The following IQCM variants were observed in gnomAD, a reference collection of about 807,000 sequenced individuals.
The protein encoded by IQCM is IQ motif containing M.
IQCM carries 45 observed loss-of-function variants against 57.6 expected under a neutral mutation model. That is an observed-to-expected ratio of 0.78 (90% confidence interval 0.62 to 1.00). IQCM has a LOEUF of 1.00. Ranked by LOEUF, IQCM falls within the 50% of genes least tolerant of loss-of-function variation. The pLI, the probability that IQCM is intolerant of heterozygous loss-of-function variation, is 0.00. For missense variants in IQCM, 468 were observed against 511.6 expected (o/e 0.91, Z 0.82); for synonymous variants, 148 against 158.9 (o/e 0.93, Z 0.51).
chr4:149,395,706 A>G (rs75937182), intron 13 of IQCM, among the ~76,000 whole-genome samples: 6,883 of 152,110 alleles, frequency 0.045, 237 homozygotes, highest in Non-Finnish European at 0.066. Context: ...CATTTCTATC[A>G]GGAGACAGGA....
intron 6 of IQCM, 126 bp downstream of exon 6, chr4:149,686,252 C>CA: frequency 2.4e-6 from 1 of 418,724 alleles, no homozygotes; most frequent in Non-Finnish European, 4.0e-6. Context: ...TCAAGCGGAA[C>CA]AATAAATTAG....
intron 2 of IQCM, among the ~76,000 whole-genome samples, chr4:149,814,653 C>T (rs969748848): frequency 1.3e-5 from 2 of 151,886 alleles, no homozygotes; most frequent in Non-Finnish European, 2.9e-5. Context: ...CACTATTCAC[C>T]TCTGTTCCAT....
At chr4:149,481,696 G>GTTTT (rs1197852884) in intron 12 of IQCM, among the ~76,000 whole-genome samples, 32 of 33,612 alleles carry the variant, frequency 9.5e-4, no homozygotes, top group Middle Eastern at 0.028. Context: ...GATTCTTCCA[G>GTTTT]TTTTGTTTTT....
intron 12 of IQCM, among the ~76,000 whole-genome samples, chr4:149,445,091 G>A (rs1192595423): frequency 6.6e-6 from 1 of 151,854 alleles, no homozygotes; most frequent in Admixed American, 6.6e-5. Flanking sequence ...CCTGAAGCAT[G>A]ATCAAGAGAC....
At chr4:149,809,039 C>T (rs557031648) in intron 2 of IQCM, among the ~76,000 whole-genome samples, 41 of 152,224 alleles carry the variant, frequency 2.7e-4, no homozygotes, top group African/African-American at 9.9e-4. Context: ...TTGTCCTGAA[C>T]TTACCAGGCA....
intron 13 of IQCM, among the ~76,000 whole-genome samples, chr4:149,396,745 A>G (rs919673284): frequency 1.3e-5 from 2 of 151,966 alleles, no homozygotes; most frequent in African/African-American, 4.8e-5. Context: ...TGGAACTACC[A>G]TTCCACTCTT....
At chr4:149,571,643 C>T (rs1314314941) in intron 9 of IQCM, among the ~76,000 whole-genome samples, 1 of 152,024 alleles carries the variant, frequency 6.6e-6, no homozygotes, top group Non-Finnish European at 1.5e-5. Flanking sequence ...AAAATGTTTA[C>T]ACCATAAAAA....
chr4:149,427,405 C>T (rs1169698624), intron 13 of IQCM, among the ~76,000 whole-genome samples: 1 of 151,906 alleles, frequency 6.6e-6, no homozygotes, highest in Non-Finnish European at 1.5e-5. Context: ...CTCACATTTT[C>T]TTTATCTAAT....
At chr4:149,416,771 T>G (rs943804261) in intron 13 of IQCM, among the ~76,000 whole-genome samples, 1 of 152,164 alleles carries the variant, frequency 6.6e-6, no homozygotes, top group Non-Finnish European at 1.5e-5. Flanking sequence ...TCTGCCTTTG[T>G]GTGGAATACA....
rs532155748 is a variant in IQCM, at chr4:149,724,744, C to T, written c.385+8500G>A. ...TCAAATTTAAATAACTCAAAATAGACGTAAATATTTTTAATTCCTGAGAGA... is the reference window on the plus strand; with the variant it reads ...TCAAATTTAAATAACTCAAAATAGATGTAAATATTTTTAATTCCTGAGAGA... On this transcript the variant is annotated intron_variant, in intron 5 of 13. Transcript: ENST00000636793. Among the ~76,000 whole-genome samples, 86 of 151,882 alleles carry T rather than the reference C, an allele frequency of 5.7e-4. 1 individual carries two copies. The South Asian group carries it at 0.014, about 25-fold the overall frequency.
At chr4:149,796,305 TCA>T (rs1461447308) in intron 2 of IQCM, among the ~76,000 whole-genome samples, 2 of 152,128 alleles carry the variant, frequency 1.3e-5, no homozygotes, top group African/African-American at 2.4e-5. Flanking sequence ...GTGGTAGTGG[TCA>T]CAGAGTGAGG....
intron 11 of IQCM, among the ~76,000 whole-genome samples, chr4:149,549,270 C>T (rs529512824): frequency 6.6e-6 from 1 of 152,082 alleles, no homozygotes; most frequent in Admixed American, 6.5e-5. Flanking sequence ...AATCCCAGCA[C>T]TTTGGGAGGC....
At chr4:149,479,557 A>C (rs1740555517) in intron 12 of IQCM, among the ~76,000 whole-genome samples, 1 of 152,240 alleles carries the variant, frequency 6.6e-6, no homozygotes, top group Non-Finnish European at 1.5e-5. Context: ...ACAGAGTAAA[A>C]TTCACAAGGT....
chr4:149,606,030 T>C (rs1754746818), intron 8 of IQCM, among the ~76,000 whole-genome samples: 1 of 152,164 alleles, frequency 6.6e-6, no homozygotes, highest in Admixed American at 6.5e-5. Flanking sequence ...ACAGACCCAG[T>C]CTTGGCAAGA....
chr4:149,788,239 C>A (rs1772252104), intron 2 of IQCM, among the ~76,000 whole-genome samples: 2 of 152,172 alleles, frequency 1.3e-5, no homozygotes, highest in Admixed American at 1.3e-4. Flanking sequence ...AAGGCTAAGG[C>A]AGGAGGATCG....
intron 5 of IQCM, among the ~76,000 whole-genome samples, chr4:149,695,625 A>G (rs1242312249): frequency 6.6e-6 from 1 of 152,194 alleles, no homozygotes; most frequent in Non-Finnish European, 1.5e-5. Flanking sequence ...GTGTCAATAT[A>G]TTTTTAATAT....
rs1231517204 is a variant in IQCM, at chr4:149,567,500, C to T, written c.750-3610G>A. On this transcript the variant is annotated intron_variant, in intron 9 of 13. Coordinates refer to ENST00000636793, the MANE Select transcript of IQCM (RefSeq NM_001363507.2). ...TAGCTGGGATTACAGGTGTGTGCCACCACACACAGCTAATTTTTTGTATTT... is the reference window on the plus strand; with the variant it reads ...TAGCTGGGATTACAGGTGTGTGCCATCACACACAGCTAATTTTTTGTATTT... Among the ~76,000 whole-genome samples the T allele has an allele frequency of 2.6e-5, 4 of 152,098 alleles. No individual in the cohort carries two copies. The South Asian group carries it at 6.2e-4, about 24-fold the overall frequency.
intron 2 of IQCM, among the ~76,000 whole-genome samples, chr4:149,782,314 T>C (rs1465038412): frequency 6.6e-6 from 1 of 151,854 alleles, no homozygotes. Context: ...GAAAGAAAAA[T>C]ATAAGGCAAA....
chr4:149,774,056 G>A (rs989462638), intron 2 of IQCM, among the ~76,000 whole-genome samples: 3 of 151,938 alleles, frequency 2.0e-5, no homozygotes, highest in Non-Finnish European at 4.4e-5. Flanking sequence ...CTTCTCTATC[G>A]TGACTTTCAA....
Sources: allele counts gnomAD v4.1 joint callset (sites outside exome capture counted in the v4.1 genomes callset), GRCh38; gene constraint gnomAD v4.1.1; transcripts MANE v1.5; gene names NCBI Gene and HGNC (gene_info 2026-07-23, HGNC 2026-07-21).